Variants in RBFOX1 observed in about 807,000 individuals in gnomAD.
RBFOX1 encodes the protein RNA binding protein fox-1 homolog 1.
Under a neutral mutation model 57.7 loss-of-function variants are expected in RBFOX1, and 8 were observed. That is an observed-to-expected ratio of 0.14 (90% confidence interval 0.08 to 0.25). The LOEUF (loss-of-function observed/expected upper bound fraction) is 0.25. Among genes scored for constraint, RBFOX1 ranks in the 10% least tolerant of loss-of-function variants. The pLI is 1.00. For synonymous variants in RBFOX1, 326 were observed against 222.4 expected, an observed-to-expected ratio of 1.47 and a Z score of -4.15; for missense variants, 611 against 548.5, an observed-to-expected ratio of 1.11 and a Z score of -1.14.
At chr16:6,209,968 T>C (rs2097282386) in intron 1 of RBFOX1, among the ~76,000 whole-genome samples, 1 of 152,090 alleles carries the variant, frequency 6.6e-6, no homozygotes, top group African/African-American at 2.4e-5. Flanking sequence ...TGTTTGTTTT[T>C]TTACTTTAAA....
At position 5,399,107 on chromosome 16, in the gene RBFOX1, C is replaced by T. The variant is rs377041178; in HGVS notation, c.220-68109C>T. Among the ~76,000 whole-genome samples the T allele has an allele frequency of 3.3e-3, 506 of 152,310 alleles. 2 individuals are homozygous for T. The highest frequency in any genetic ancestry group is 0.011 in the African/African-American group (473 of 41,566). On this transcript the variant is annotated intron_variant, in intron 1 of 2. Coordinates refer to the RBFOX1 transcript ENST00000585867. ...ACATGGCTTTCGACTTAAATCTATT[C>T]TCAGAGGACTAATAGGTATGTGTGT...
chr16:7,408,143 A>G (rs904536537), intron 4 of RBFOX1, among the ~76,000 whole-genome samples: 5 of 152,194 alleles, frequency 3.3e-5, no homozygotes, highest in Admixed American at 3.3e-4. Flanking sequence ...CAGAACATAC[A>G]CATTCTTTGA....
chr16:5,388,515 A>G (rs565076123), intron 1 of RBFOX1, among the ~76,000 whole-genome samples: 2 of 152,110 alleles, frequency 1.3e-5, no homozygotes, highest in South Asian at 4.2e-4. Context: ...TGTGAGCTGG[A>G]TTTGGCCTGT....
At chr16:6,658,104 C>G (rs1055642288) in intron 3 of RBFOX1, among the ~76,000 whole-genome samples, 2 of 152,090 alleles carry the variant, frequency 1.3e-5, no homozygotes, top group Non-Finnish European at 2.9e-5. Flanking sequence ...CGGGGCCTCT[C>G]CAAATTGTGC....
At chr16:6,816,422 A>AT (rs34666559) in intron 3 of RBFOX1, among the ~76,000 whole-genome samples, 5,572 of 140,720 alleles carry the variant, frequency 0.04, 261 homozygotes, top group Admixed American at 0.11. Flanking sequence ...CCTTCATGTA[A>AT]TTTTTTTTTT....
At chr16:7,131,436 C>G (rs543436518) in intron 4 of RBFOX1, among the ~76,000 whole-genome samples, 2 of 142,960 alleles carry the variant, frequency 1.4e-5, no homozygotes, top group African/African-American at 5.2e-5. Context: ...TAGTTGGCCA[C>G]TTTACATCTC....
chr16:6,406,455 T>G (rs775905893), intron 2 of RBFOX1, among the ~76,000 whole-genome samples: 2 of 152,194 alleles, frequency 1.3e-5, no homozygotes, highest in African/African-American at 4.8e-5. Context: ...TCTTTGCTAT[T>G]AAAAATAGGA....
chr16:6,349,697 A>G, intron 2 of RBFOX1, among the ~76,000 whole-genome samples: 1 of 152,240 alleles, frequency 6.6e-6, no homozygotes, highest in Non-Finnish European at 1.5e-5. Flanking sequence ...TGGGAGCTAA[A>G]TAGAAAATCA....
At chr16:7,404,574 A>G (rs1321278476) in intron 4 of RBFOX1, among the ~76,000 whole-genome samples, 1 of 152,196 alleles carries the variant, frequency 6.6e-6, no homozygotes, top group African/African-American at 2.4e-5. Context: ...GGCTTAAAGA[A>G]TGTAAATAAT....
intron 4 of RBFOX1, among the ~76,000 whole-genome samples, chr16:7,471,787 G>A (rs1458403783): frequency 6.6e-6 from 1 of 152,192 alleles, no homozygotes; most frequent in Non-Finnish European, 1.5e-5. Flanking sequence ...TCCCTTAAGA[G>A]TGATGTGTGA....
At chr16:5,376,808 A>G (rs2065995987) in intron 1 of RBFOX1, among the ~76,000 whole-genome samples, 1 of 151,566 alleles carries the variant, frequency 6.6e-6, no homozygotes, top group African/African-American at 2.4e-5. Flanking sequence ...TGTCAGAGAT[A>G]AAGTCCCCAG....
At chr16:7,336,694 A>G (rs1382526753) in intron 4 of RBFOX1, among the ~76,000 whole-genome samples, 3 of 152,238 alleles carry the variant, frequency 2.0e-5, no homozygotes, top group African/African-American at 7.2e-5. Context: ...GCTCTGTGCT[A>G]AACACTTAGA....
chr16:7,303,958 C>G (rs925479335), intron 4 of RBFOX1, among the ~76,000 whole-genome samples: 4 of 151,954 alleles, frequency 2.6e-5, no homozygotes, highest in Non-Finnish European at 4.4e-5. Flanking sequence ...TCTCGTGTCA[C>G]CTTCACAGGG....
At chr16:6,634,562 T>A (rs1292577697) in intron 2 of RBFOX1, among the ~76,000 whole-genome samples, 1 of 147,864 alleles carries the variant, frequency 6.8e-6, no homozygotes, top group East Asian at 1.9e-4. Flanking sequence ...TATAAAAGTA[T>A]ATTACATATT....
At chr16:6,157,851 C>G (rs2096849445) in intron 1 of RBFOX1, among the ~76,000 whole-genome samples, 1 of 152,182 alleles carries the variant, frequency 6.6e-6, no homozygotes, top group Non-Finnish European at 1.5e-5. Flanking sequence ...GTCCTATCAT[C>G]TTTGTGAACT....
intron 2 of RBFOX1, among the ~76,000 whole-genome samples, chr16:5,595,716 T>G (rs536670258): frequency 6.6e-6 from 1 of 152,220 alleles, no homozygotes; most frequent in African/African-American, 2.4e-5. Context: ...CTCTTGGCTC[T>G]GTTTCCCCAA....
chr16:6,681,122 G>T (rs1246747671), intron 3 of RBFOX1, among the ~76,000 whole-genome samples: 2 of 152,060 alleles, frequency 1.3e-5, no homozygotes, highest in Admixed American at 6.6e-5. Context: ...ACCATCCTGG[G>T]AAACATGGTG....
At chr16:5,721,117 G>A (rs954165967) in intron 3 of RBFOX1, among the ~76,000 whole-genome samples, 3 of 152,164 alleles carry the variant, frequency 2.0e-5, no homozygotes, top group Middle Eastern at 3.4e-3. Context: ...ATATTTAATA[G>A]TTTTCAGCAT....
intron 3 of RBFOX1, among the ~76,000 whole-genome samples, chr16:5,733,285 C>G (rs1345903337): frequency 1.3e-5 from 2 of 152,192 alleles, no homozygotes; most frequent in Admixed American, 6.5e-5. Flanking sequence ...GCACCACTGA[C>G]TTCCACAAAG....
Sources: gnomAD v4.1 joint callset for allele counts (sites outside exome capture counted in the v4.1 genomes callset) on GRCh38, gnomAD v4.1.1 for gene constraint, MANE v1.5 for transcripts, NCBI Gene and HGNC (gene_info 2026-07-23, HGNC 2026-07-21) for gene names.